The following AGBL4 variants were observed in gnomAD, a reference collection of about 807,000 sequenced individuals.
AGBL4 encodes the protein AGBL carboxypeptidase 4.
In AGBL4, 58 loss-of-function variants were observed where a neutral mutation model predicts 66.4. The ratio of observed to expected loss-of-function variants is 0.87; its 90% CI spans 0.71 to 1.09. The LOEUF (loss-of-function observed/expected upper bound fraction) is 1.09, where lower values mean the gene tolerates loss of function less well. Among genes scored for constraint, AGBL4 ranks in the 50% least tolerant of loss-of-function variants. AGBL4 has a pLI of 0.00. For missense variants in AGBL4, 579 were observed against 631.0 expected, an observed-to-expected ratio of 0.92 and a Z score of 0.88; for synonymous variants, 234 against 222.9, an observed-to-expected ratio of 1.05 and a Z score of -0.44.
At chr1:49,185,188 G>A (rs1478718489) in intron 4 of AGBL4, among the ~76,000 whole-genome samples, 1 of 152,154 alleles carries the variant, frequency 6.6e-6, no homozygotes, top group Non-Finnish European at 1.5e-5. Flanking sequence ...CTGTGGAGAT[G>A]CCCGTAAGTA....
At chr1:49,653,587 A>G (rs760495938) in intron 3 of AGBL4, among the ~76,000 whole-genome samples, 9 of 151,996 alleles carry the variant, frequency 5.9e-5, no homozygotes, top group Non-Finnish European at 1.3e-4. Flanking sequence ...ACATTACAGG[A>G]ACTGTTAACT....
intron 3 of AGBL4, among the ~76,000 whole-genome samples, chr1:49,559,545 G>GA (rs1235993830): frequency 6.6e-6 from 1 of 152,144 alleles, no homozygotes; most frequent in Non-Finnish European, 1.5e-5. Flanking sequence ...CATTTTGGTG[G>GA]AAACCATCCA....
chr1:49,011,581 C>T (rs1217630103), intron 5 of AGBL4, among the ~76,000 whole-genome samples: 1 of 152,104 alleles, frequency 6.6e-6, no homozygotes, highest in Non-Finnish European at 1.5e-5. Flanking sequence ...CACATGCACA[C>T]ATATGTTTAT....
intron 4 of AGBL4, among the ~76,000 whole-genome samples, chr1:49,086,367 T>C (rs1483437470): frequency 6.6e-6 from 1 of 151,462 alleles, no homozygotes; most frequent in African/African-American, 2.4e-5. Context: ...GCCTCCTCTT[T>C]TCCCAGGAAA....
intron 3 of AGBL4, among the ~76,000 whole-genome samples, chr1:49,418,023 T>C (rs948223525): frequency 2.0e-5 from 3 of 152,182 alleles, no homozygotes; most frequent in South Asian, 2.1e-4. Flanking sequence ...TATGCACACA[T>C]TGAAGGCAAC....
At position 49,257,940 on chromosome 1, in the gene AGBL4, G is replaced by A. The variant is rs761197390; in HGVS notation, c.283-12076C>T. ...GTAGGGGCAGACTGACACCTCACAC[G>A]GCTGGGTACTCCTCTGAGACAAAAC... is the stretch of plus-strand genomic sequence containing the variant. On this transcript the variant is annotated intron_variant, in intron 3 of 13. Coordinates refer to ENST00000371839, the MANE Select transcript of AGBL4 (RefSeq NM_032785.4). Among the ~76,000 whole-genome samples the A allele has an allele frequency of 2.6e-5, 4 of 152,154 alleles. No homozygotes were observed. The East Asian group carries it at 5.8e-4, about 22-fold the overall frequency.
intron 3 of AGBL4, among the ~76,000 whole-genome samples, chr1:49,625,424 G>A (rs1297224818): frequency 6.6e-6 from 1 of 152,102 alleles, no homozygotes; most frequent in Admixed American, 6.6e-5. Context: ...GTATCTCCAT[G>A]TGTCTGTTCC....
intron 3 of AGBL4, among the ~76,000 whole-genome samples, chr1:49,611,271 C>T (rs1398615730): frequency 1.3e-5 from 2 of 151,336 alleles, no homozygotes; most frequent in African/African-American, 4.9e-5. Flanking sequence ...TCATGGGGCA[C>T]TAAGCAAGGT....
chr1:49,281,752 A>G (rs1644277413), intron 3 of AGBL4, among the ~76,000 whole-genome samples: 1 of 152,228 alleles, frequency 6.6e-6, no homozygotes, highest in South Asian at 2.1e-4. Context: ...TCTTAAAAGG[A>G]CAGGATTCAG....
intron 3 of AGBL4, among the ~76,000 whole-genome samples, chr1:49,491,592 T>C (rs1401735302): frequency 1.3e-5 from 2 of 151,908 alleles, no homozygotes; most frequent in Admixed American, 6.6e-5. Context: ...TGTGGGTATA[T>C]GCAAAGAACT....
At position 48,751,130 on chromosome 1, in the gene AGBL4, G is replaced by C. The variant is rs74492115; in HGVS notation, c.635-87889C>G. The stretch of plus-strand genomic sequence containing the variant: ...GTCCATCTATAAGATAGGGGTGAAA[G>C]GCTGAACTGGGTTCTCTCTAAAGAG... On this transcript the variant is annotated intron_variant, in intron 6 of 13. Transcript: ENST00000371839. Among the ~76,000 whole-genome samples the C allele has an allele frequency of 5.9e-5, 9 of 152,330 alleles. No individual in the cohort carries two copies. In the South Asian group the frequency reaches 8.3e-4, roughly 14 times the overall value.
In AGBL4 at chr1:49,031,453, G is replaced by A. The variant is rs561325730; in HGVS notation, c.594+14131C>T. The stretch of plus-strand genomic sequence containing the variant: ...TGTCAATTAAAAATAAAAAGAGAAC[G>A]TGAAAAGACAACCTACAAGATGGGA... On this transcript the variant is annotated intron_variant, in intron 5 of 13. Coordinates refer to ENST00000371839, the MANE Select transcript of AGBL4 (RefSeq NM_032785.4). 5.3e-5 allele frequency among the ~76,000 whole-genome samples: 8 copies of A among 152,082 alleles called. No homozygotes were observed. The South Asian group carries it at 1.0e-3, about 20-fold the overall frequency.
At position 49,672,876 on chromosome 1, in the gene AGBL4, G is replaced by A. The variant is rs1305912445; in HGVS notation, c.282+24437C>T. The stretch of plus-strand genomic sequence containing the variant: ...GTGGAGGTTGCAGTGAGCTGAGATC[G>A]TGCCATTGCACTCCAGCCTGGGCAA... On this transcript the variant is annotated intron_variant, in intron 3 of 13. Transcript: ENST00000371839. Among the ~76,000 whole-genome samples the A allele has an allele frequency of 2.8e-5, 4 of 145,060 alleles. No individual in the cohort carries two copies. The South Asian group carries it at 6.5e-4, about 24-fold the overall frequency.
At chr1:49,944,769 A>G (rs1424537052) in intron 1 of AGBL4, among the ~76,000 whole-genome samples, 4 of 152,188 alleles carry the variant, frequency 2.6e-5, no homozygotes, top group African/African-American at 9.6e-5. Context: ...TAAAGGAGGT[A>G]CCAGAAAAAT....
chr1:49,933,404 G>A (rs892646200), intron 1 of AGBL4, among the ~76,000 whole-genome samples: 2 of 151,946 alleles, frequency 1.3e-5, no homozygotes, highest in African/African-American at 4.8e-5. Flanking sequence ...AAAATGCTAA[G>A]GGAATTCAAC....
At chr1:49,111,183 G>A in intron 4 of AGBL4, among the ~76,000 whole-genome samples, 1 of 146,670 alleles carries the variant, frequency 6.8e-6, no homozygotes, top group East Asian at 2.0e-4. Context: ...GCGTGATCTC[G>A]CCTCACTGCA....
intron 1 of AGBL4, among the ~76,000 whole-genome samples, chr1:49,880,609 TTTTG>T (rs1647205089): frequency 6.6e-6 from 1 of 152,064 alleles, no homozygotes; most frequent in Non-Finnish European, 1.5e-5. Context: ...ACTGCTGTCT[TTTTG>T]TTTGTCTGTG....
At position 49,754,897 on chromosome 1, in the gene AGBL4, T is replaced by C. The variant is rs1056192268; in HGVS notation, c.158-57460A>G. Among the ~76,000 whole-genome samples, 2 of 152,350 alleles carry C rather than the reference T, an allele frequency of 1.3e-5. 1 individual carries two copies. Among genetic ancestry groups the C allele is most frequent in the Middle Eastern group, 6.8e-3 (2 of 294 alleles). On this transcript the variant is annotated intron_variant, in intron 2 of 13. Coordinates refer to ENST00000371839, the MANE Select transcript of AGBL4 (RefSeq NM_032785.4). ...TCCAGGGAAGAGTTAATGTTGCCCC[T>C]TGAATCTGAAGGATGACCACAGGCA... is the stretch of plus-strand genomic sequence containing the variant.
chr1:49,962,066 T>C lies in AGBL4; in HGVS notation c.34+61697A>G, dbSNP rs1295581244. Among the ~76,000 whole-genome samples the C allele has an allele frequency of 2.6e-5, 4 of 152,288 alleles. No homozygotes were observed. In the East Asian group the frequency reaches 7.7e-4, roughly 29 times the overall value. On this transcript the variant is annotated intron_variant, in intron 1 of 13. Transcript: ENST00000371839. ...AGACAAAAAAGAGAAGCTCGGATGC[T>C]GCTTCATGAAATACAGGGGAAAAGA...
Sources: gnomAD v4.1 joint callset for allele counts (sites outside exome capture counted in the v4.1 genomes callset) on GRCh38, gnomAD v4.1.1 for gene constraint, MANE v1.5 for transcripts, NCBI Gene and HGNC (gene_info 2026-07-23, HGNC 2026-07-21) for gene names.